The following ZDHHC21 variants were observed in gnomAD, a reference collection of about 807,000 sequenced individuals.
The protein encoded by ZDHHC21 is palmitoyltransferase ZDHHC21.
A neutral mutation model predicts 34.6 loss-of-function variants in ZDHHC21; 15 were observed. The observed-to-expected ratio is 0.43, with a 90% CI of 0.29 to 0.67. The LOEUF is 0.67. Among genes scored for constraint, ZDHHC21 ranks in the 30% least tolerant of loss-of-function variants. The pLI, the probability that ZDHHC21 is intolerant of heterozygous loss-of-function variation, is 0.14. For missense variants in ZDHHC21, 344 were observed against 327.7 expected, an observed-to-expected ratio of 1.05 and a Z score of -0.38; for synonymous variants, 142 against 101.8, an observed-to-expected ratio of 1.40 and a Z score of -2.38.
chr9:14,664,093 G>T (rs9776618), intron 5 of ZDHHC21, among the ~76,000 whole-genome samples: 3 of 152,120 alleles, frequency 2.0e-5, no homozygotes, highest in Non-Finnish European at 4.4e-5. Flanking sequence ...TTCCATCTGA[G>T]GTACCGGGTT....
chr9:14,621,618 C>T (rs1825320535), intron 8 of ZDHHC21, among the ~76,000 whole-genome samples: 1 of 152,020 alleles, frequency 6.6e-6, no homozygotes, highest in Non-Finnish European at 1.5e-5. Context: ...CTAGAAATGG[C>T]AAATGCTCAT....
intron 3 of ZDHHC21, among the ~76,000 whole-genome samples, chr9:14,676,695 AAGTC>A (rs1238847198): frequency 1.3e-5 from 2 of 151,964 alleles, no homozygotes; most frequent in Non-Finnish European, 2.9e-5. Context: ...AAAATGAAGA[AAGTC>A]AGACAGGATA....
Position 14,617,057 on chromosome 9 carries a change from G to C in ZDHHC21, c.*1909C>G, listed in dbSNP as rs1824337225. 2 of 151,552 alleles carry C rather than the reference G, an allele frequency of 1.3e-5. No homozygotes were observed. The highest frequency in any genetic ancestry group is 3.0e-5 in the Non-Finnish European group (2 of 67,748). The allele number at this position is 151,552 out of a possible 1,614,324, so 9.4% of individuals were successfully genotyped here. On this transcript the variant is annotated 3_prime_UTR_variant, in exon 10 of 10. Coordinates refer to ENST00000380916, the MANE Select transcript of ZDHHC21 (RefSeq NM_178566.6). Reference sequence around the variant, plus strand: ...TTTTCTCAAGGTCTTTATTTGAAAGGAATGTATACAATATAAGGCATTCAA... The same window carrying C: ...TTTTCTCAAGGTCTTTATTTGAAAGCAATGTATACAATATAAGGCATTCAA...
At chr9:14,657,420 T>G (rs1331867911) in intron 7 of ZDHHC21, among the ~76,000 whole-genome samples, 1 of 152,150 alleles carries the variant, frequency 6.6e-6, no homozygotes, top group Non-Finnish European at 1.5e-5. Context: ...GTGTCAAAAC[T>G]TATGCATGTA....
chr9:14,624,928 A>T (rs1177960021), intron 8 of ZDHHC21, among the ~76,000 whole-genome samples: 1 of 152,114 alleles, frequency 6.6e-6, no homozygotes, highest in African/African-American at 2.4e-5. Context: ...TACAATTATT[A>T]TATATCAATC....
rs1280689772 is a variant in ZDHHC21, at chr9:14,617,538, T to C, written c.*1428A>G. ...ACTAGCTAAAAGGAAAATGTTAGCA[T>C]GGTTTATGAACAGTAGACTTTTTCA... On this transcript the variant is annotated 3_prime_UTR_variant, in exon 10 of 10. Transcript: ENST00000380916. 6.6e-6 allele frequency: 1 copy of C among 152,012 alleles called. No individual in the cohort carries two copies. Among genetic ancestry groups the C allele is most frequent in the Non-Finnish European group, 1.5e-5 (1 of 67,930 alleles). The allele number at this position is 152,012 out of a possible 1,614,324, so 9.4% of individuals were successfully genotyped here.
At chr9:14,661,761 T>TAAAAAAA (rs1265471719) in intron 6 of ZDHHC21, among the ~76,000 whole-genome samples, 1 of 152,188 alleles carries the variant, frequency 6.6e-6, no homozygotes, top group East Asian at 1.9e-4. Flanking sequence ...ACATAATGCT[T>TAAAAAAA]AAAAAGCTTT....
chr9:14,627,602 C>G (rs1006380646), intron 8 of ZDHHC21, among the ~76,000 whole-genome samples: 3 of 152,150 alleles, frequency 2.0e-5, no homozygotes, highest in Admixed American at 6.5e-5. Flanking sequence ...AAAGCTTACA[C>G]TATTATATAA....
intron 7 of ZDHHC21, among the ~76,000 whole-genome samples, chr9:14,647,931 G>C (rs1830552554): frequency 6.6e-6 from 1 of 152,062 alleles, no homozygotes; most frequent in Non-Finnish European, 1.5e-5. Flanking sequence ...CCACCCCATT[G>C]AAATCCAGAT....
At chr9:14,632,838 G>T (rs927835915) in intron 8 of ZDHHC21, among the ~76,000 whole-genome samples, 1 of 151,960 alleles carries the variant, frequency 6.6e-6, no homozygotes, top group Non-Finnish European at 1.5e-5. Flanking sequence ...AAAGATACTC[G>T]ACCTCATTAG....
intron 7 of ZDHHC21, among the ~76,000 whole-genome samples, chr9:14,657,930 T>G (rs1170317859): frequency 6.6e-6 from 1 of 152,168 alleles, no homozygotes; most frequent in Non-Finnish European, 1.5e-5. Context: ...TAATGCCAAT[T>G]ATATCAGAAA....
At chr9:14,676,737 C>T (rs1373616125) in intron 3 of ZDHHC21, among the ~76,000 whole-genome samples, 3 of 151,872 alleles carry the variant, frequency 2.0e-5, no homozygotes, top group Non-Finnish European at 4.4e-5. Context: ...TGCTAAGAAT[C>T]ATTTTAATAA....
chr9:14,619,128 C>T (rs1254318342), intron 9 of ZDHHC21, 30 bp from the exon 10 acceptor site: 1 of 1,578,416 alleles, frequency 6.3e-7, no homozygotes, highest in East Asian at 2.3e-5. Context: ...TAGTGAAAGA[C>T]AGCACTCCCA....
At chr9:14,676,473 C>T (rs570844045) in intron 3 of ZDHHC21, among the ~76,000 whole-genome samples, 1 of 151,752 alleles carries the variant, frequency 6.6e-6, no homozygotes, top group East Asian at 1.9e-4. Flanking sequence ...GTTTCTCATC[C>T]CTAGTTCCTG....
intron 8 of ZDHHC21, among the ~76,000 whole-genome samples, chr9:14,627,100 A>T (rs1826397291): frequency 6.6e-6 from 1 of 152,242 alleles, no homozygotes; most frequent in Non-Finnish European, 1.5e-5. Flanking sequence ...TTAATTCAAA[A>T]TAATTTGGCA....
At chr9:14,676,746 A>G (rs1836455311) in intron 3 of ZDHHC21, among the ~76,000 whole-genome samples, 1 of 151,992 alleles carries the variant, frequency 6.6e-6, no homozygotes, top group Non-Finnish European at 1.5e-5. Context: ...TCATTTTAAT[A>G]AAGGAATCTC....
intron 6 of ZDHHC21, 47 bp from the exon 7 acceptor site, chr9:14,658,934 G>A: frequency 3.2e-6 from 5 of 1,567,916 alleles, no homozygotes; most frequent in Non-Finnish European, 4.3e-6. Flanking sequence ...ATTTCAAGAA[G>A]TTCACCTCAG....
chr9:14,617,960 C>T lies in ZDHHC21; in HGVS notation c.*1006G>A, dbSNP rs1824559471. 2 of 152,008 alleles carry T rather than the reference C, an allele frequency of 1.3e-5. No individual in the cohort carries two copies. The highest frequency in any genetic ancestry group is 2.4e-5 in the African/African-American group (1 of 41,356). 9.4% of individuals were successfully genotyped at this position (152,008 alleles called of 1,614,324 possible). Reference sequence around the variant, plus strand: ...ATATGAGTTGGCCAATATATATAAACCTTCAATGTGAAATTTTACATCTAC... The same window carrying T: ...ATATGAGTTGGCCAATATATATAAATCTTCAATGTGAAATTTTACATCTAC... On this transcript the variant is annotated 3_prime_UTR_variant, in exon 10 of 10. Transcript: ENST00000380916.
Position 14,659,232 on chromosome 9 carries a change from T to A in ZDHHC21, c.366-345A>T, listed in dbSNP as rs186987622. Among the ~76,000 whole-genome samples, 36 of 152,198 alleles carry A rather than the reference T, an allele frequency of 2.4e-4. 1 individual carries two copies. The South Asian group carries it at 5.8e-3, about 25-fold the overall frequency. On this transcript the variant is annotated intron_variant, in intron 6 of 9. Coordinates refer to ENST00000380916, the MANE Select transcript of ZDHHC21 (RefSeq NM_178566.6). ...CCAGAGGATGTAGAGTTAGAAGACATAGGGGCCAAGAGAGCAAGAACCCTG... is the reference window on the plus strand; with the variant it reads ...CCAGAGGATGTAGAGTTAGAAGACAAAGGGGCCAAGAGAGCAAGAACCCTG...
Sources: gnomAD v4.1 joint callset for allele counts (sites outside exome capture counted in the v4.1 genomes callset) on GRCh38, gnomAD v4.1.1 for gene constraint, MANE v1.5 for transcripts, NCBI Gene and HGNC (gene_info 2026-07-23, HGNC 2026-07-21) for gene names.